AUTS2: variants seen among roughly 807,000 people sequenced by gnomAD.
AUTS2 encodes activator of transcription and developmental regulator AUTS2.
In AUTS2, 17 loss-of-function variants were observed where a neutral mutation model predicts 112.4. The observed-to-expected ratio is 0.15, with a 90% CI of 0.10 to 0.23. The LOEUF (loss-of-function observed/expected upper bound fraction) is 0.23. Ranked by LOEUF, AUTS2 falls within the 10% of genes least tolerant of loss-of-function variation. AUTS2 has a pLI of 1.00. For missense variants in AUTS2, 1,510 were observed against 1,701.6 expected (o/e 0.89, Z 1.98); for synonymous variants, 751 against 702.7 (o/e 1.07, Z -1.09).
At chr7:70,757,711 A>C (rs1381448665) in intron 6 of AUTS2, among the ~76,000 whole-genome samples, 4 of 143,166 alleles carry the variant, frequency 2.8e-5, no homozygotes, top group Admixed American at 7.2e-5. Context: ...ACACACACAC[A>C]CCCCAGTTCC....
chr7:70,031,560 T>C (rs1414722855), intron 2 of AUTS2, among the ~76,000 whole-genome samples: 2 of 152,132 alleles, frequency 1.3e-5, no homozygotes, highest in Non-Finnish European at 2.9e-5. Context: ...GTTAGAACAG[T>C]TCATCTGGCA....
At chr7:69,866,166 G>A (rs1439349042) in intron 1 of AUTS2, among the ~76,000 whole-genome samples, 2 of 152,136 alleles carry the variant, frequency 1.3e-5, no homozygotes, top group East Asian at 3.8e-4. Flanking sequence ...CTAGTCCTCT[G>A]CTCATCTACT....
intron 5 of AUTS2, among the ~76,000 whole-genome samples, chr7:70,464,659 T>G (rs1797102571): frequency 6.6e-6 from 1 of 151,988 alleles, no homozygotes; most frequent in Non-Finnish European, 1.5e-5. Context: ...AAGGTATGAG[T>G]TTATTTTGGA....
intron 2 of AUTS2, among the ~76,000 whole-genome samples, chr7:69,971,571 C>G (rs1797851387): frequency 1.3e-5 from 2 of 152,156 alleles, no homozygotes; most frequent in South Asian, 2.1e-4. Flanking sequence ...CACCAAAAGT[C>G]TCTCTCCTGA....
chr7:69,705,787 C>A (rs1006919112), intron 1 of AUTS2, among the ~76,000 whole-genome samples: 8 of 152,118 alleles, frequency 5.3e-5, no homozygotes, highest in African/African-American at 1.9e-4. Flanking sequence ...AGGCTGAGAT[C>A]AAGGTGTTGA....
chr7:69,649,102 T>C (rs1470225025), intron 1 of AUTS2, among the ~76,000 whole-genome samples: 1 of 152,222 alleles, frequency 6.6e-6, no homozygotes, highest in East Asian at 1.9e-4. Context: ...GAGCTGTGGA[T>C]TAATGTCTCT....
intron 2 of AUTS2, among the ~76,000 whole-genome samples, chr7:70,077,488 A>G (rs1803091413): frequency 6.6e-6 from 1 of 152,174 alleles, no homozygotes. Context: ...CACTTTTGTA[A>G]TCTCACAAAG....
intron 1 of AUTS2, among the ~76,000 whole-genome samples, chr7:69,802,608 T>C (rs988259950): frequency 2.0e-5 from 3 of 152,228 alleles, no homozygotes; most frequent in Admixed American, 6.5e-5. Flanking sequence ...AGAGGAACTT[T>C]AGGTTCTTTC....
chr7:70,331,855 A>AATAT (rs1790767215), intron 4 of AUTS2, among the ~76,000 whole-genome samples: 2 of 151,032 alleles, frequency 1.3e-5, no homozygotes, highest in Admixed American at 1.3e-4. Flanking sequence ...AGACCCACAG[A>AATAT]CATACTGAAT....
chr7:70,435,105 T>A (rs2130861927), intron 4 of AUTS2, among the ~76,000 whole-genome samples: 1 of 152,328 alleles, frequency 6.6e-6, no homozygotes, highest in Middle Eastern at 3.4e-3. Flanking sequence ...TTTGCCCATA[T>A]TTTTTATTTA....
chr7:70,364,181 AG>A (rs1277183376), intron 4 of AUTS2, among the ~76,000 whole-genome samples: 4 of 152,188 alleles, frequency 2.6e-5, no homozygotes, highest in African/African-American at 9.7e-5. Context: ...TTACTAAAAA[AG>A]CATTCTAGTT....
chr7:70,407,408 T>G (rs1356837379), intron 4 of AUTS2, among the ~76,000 whole-genome samples: 2 of 152,180 alleles, frequency 1.3e-5, no homozygotes. Flanking sequence ...TCACCATTCT[T>G]GCTAGGTTCT....
At chr7:70,262,808 A>G (rs1484708978) in intron 4 of AUTS2, among the ~76,000 whole-genome samples, 1 of 152,164 alleles carries the variant, frequency 6.6e-6, no homozygotes, top group African/African-American at 2.4e-5. Context: ...ATAAGTGGCC[A>G]CAGTAGAGTC....
At chr7:69,927,917 C>G (rs559733139) in intron 2 of AUTS2, among the ~76,000 whole-genome samples, 1 of 152,344 alleles carries the variant, frequency 6.6e-6, no homozygotes, top group East Asian at 1.9e-4. Flanking sequence ...ACCTGAAGGG[C>G]TGCAGGTCTT....
At chr7:70,165,386 A>G (rs997996685) in intron 4 of AUTS2, among the ~76,000 whole-genome samples, 2 of 152,216 alleles carry the variant, frequency 1.3e-5, no homozygotes, top group Admixed American at 6.5e-5. Context: ...AAAATCAAAG[A>G]TAAAGAAGTC....
chr7:70,492,552 G>A (rs919104626), intron 5 of AUTS2, among the ~76,000 whole-genome samples: 5 of 152,168 alleles, frequency 3.3e-5, no homozygotes, highest in African/African-American at 4.8e-5. Context: ...AGCTGTGGCC[G>A]AAGTGGGTAT....
intron 5 of AUTS2, among the ~76,000 whole-genome samples, chr7:70,550,075 G>A (rs1800956679): frequency 6.6e-6 from 1 of 152,144 alleles, no homozygotes; most frequent in African/African-American, 2.4e-5. Context: ...GATAGTGAGG[G>A]GGCATATTGG....
chr7:70,059,940 A>T (rs561542480), intron 2 of AUTS2, among the ~76,000 whole-genome samples: 1 of 152,324 alleles, frequency 6.6e-6, no homozygotes, highest in African/African-American at 2.4e-5. Flanking sequence ...GACATTTATT[A>T]AACAGTACTT....
chr7:70,454,144 C>T (rs1008202659), intron 5 of AUTS2, among the ~76,000 whole-genome samples: 4 of 152,152 alleles, frequency 2.6e-5, no homozygotes, highest in African/African-American at 7.2e-5. Context: ...ACCAAGGATG[C>T]GGGCTTCCAC....
Sources: allele counts gnomAD v4.1 joint callset (sites outside exome capture counted in the v4.1 genomes callset), GRCh38; gene constraint gnomAD v4.1.1; transcripts MANE v1.5; gene names NCBI Gene and HGNC (gene_info 2026-07-23, HGNC 2026-07-21).